PSD3: variants seen among roughly 807,000 people sequenced by gnomAD.
The protein encoded by PSD3 is pleckstrin and Sec7 domain containing 3, also known as PH and SEC7 domain-containing protein 3.
In PSD3, 49 loss-of-function variants were observed where a neutral mutation model predicts 105.5. The ratio of observed to expected loss-of-function variants is 0.46; its 90% confidence interval spans 0.37 to 0.59. The LOEUF is 0.59. Among genes scored for constraint, PSD3 ranks in the 20% least tolerant of loss-of-function variants. The pLI, the probability that PSD3 is intolerant of heterozygous loss-of-function variation, is 0.00. For missense variants in PSD3, 1,561 were observed against 1,263.8 expected (o/e 1.24, Z -3.57); for synonymous variants, 557 against 457.8 (o/e 1.22, Z -2.77).
intron 1 of PSD3, among the ~76,000 whole-genome samples, chr8:19,021,557 AC>A (rs1167355623): frequency 2.9e-4 from 40 of 139,554 alleles, no homozygotes; most frequent in African/African-American, 1.1e-3. Context: ...CTTTTTTGTT[AC>A]AAAAAAAAAA....
At chr8:18,875,541 C>CTT (rs972080881) in intron 2 of PSD3, among the ~76,000 whole-genome samples, 2 of 145,378 alleles carry the variant, frequency 1.4e-5, no homozygotes, top group South Asian at 2.2e-4. Flanking sequence ...AATTCTAGAA[C>CTT]TTTTTTTTTT....
chr8:19,039,895 A>G (rs568086006), intron 1 of PSD3, among the ~76,000 whole-genome samples: 2 of 152,364 alleles, frequency 1.3e-5, no homozygotes, highest in East Asian at 3.9e-4. Flanking sequence ...ATCTGCACAA[A>G]TAAACGTATT....
chr8:19,078,391 A>G (rs1044505164), intron 1 of PSD3, among the ~76,000 whole-genome samples: 4 of 152,226 alleles, frequency 2.6e-5, no homozygotes, highest in African/African-American at 9.6e-5. Context: ...TATAGATTCT[A>G]TATTAATTAT....
intron 8 of PSD3, among the ~76,000 whole-genome samples, chr8:18,787,979 A>G (rs546103817): frequency 6.6e-6 from 1 of 152,328 alleles, no homozygotes; most frequent in East Asian, 1.9e-4. Context: ...CAAGTCATAT[A>G]TTCTGTTACA....
At chr8:18,796,354 GATTATTTGGCTTCC>G (rs1810176586) in intron 8 of PSD3, among the ~76,000 whole-genome samples, 1 of 152,076 alleles carries the variant, frequency 6.6e-6, no homozygotes, top group Non-Finnish European at 1.5e-5. Context: ...CATCAGAGAG[GATTATTTGGCTTCC>G]ATGAACATTG....
At chr8:18,543,867 A>G (rs1800289764) in intron 15 of PSD3, among the ~76,000 whole-genome samples, 1 of 152,160 alleles carries the variant, frequency 6.6e-6, no homozygotes, top group South Asian at 2.1e-4. Context: ...GTTTCTCTCT[A>G]GAGCCCTGCA....
chr8:18,666,584 A>G (rs892445823), intron 9 of PSD3, among the ~76,000 whole-genome samples: 4 of 152,228 alleles, frequency 2.6e-5, no homozygotes, highest in Admixed American at 6.5e-5. Context: ...TACAACTCAA[A>G]TATCTCGTAA....
At chr8:18,550,834 C>T (rs576587111) in intron 15 of PSD3, among the ~76,000 whole-genome samples, 5 of 152,266 alleles carry the variant, frequency 3.3e-5, no homozygotes, top group East Asian at 1.9e-4. Flanking sequence ...ATTCTATTAA[C>T]CTACACTATC....
chr8:19,049,048 C>T (rs1018001746), intron 1 of PSD3, among the ~76,000 whole-genome samples: 9 of 152,122 alleles, frequency 5.9e-5, no homozygotes, highest in African/African-American at 1.7e-4. Flanking sequence ...GATTAGGGTC[C>T]AATATGACCT....
At chr8:18,625,636 T>C (rs1806422126) in intron 11 of PSD3, among the ~76,000 whole-genome samples, 1 of 152,206 alleles carries the variant, frequency 6.6e-6, no homozygotes, top group African/African-American at 2.4e-5. Flanking sequence ...AAACATTTCA[T>C]AAGCATATTT....
At chr8:18,997,980 T>A (rs954842425) in intron 1 of PSD3, among the ~76,000 whole-genome samples, 1 of 152,004 alleles carries the variant, frequency 6.6e-6, no homozygotes, top group Non-Finnish European at 1.5e-5. Flanking sequence ...AGAACAAGGA[T>A]TTTTTTCTTT....
At chr8:18,846,480 G>A (rs75751995) in intron 4 of PSD3, among the ~76,000 whole-genome samples, 5,795 of 152,196 alleles carry the variant, frequency 0.038, 236 homozygotes, top group African/African-American at 0.1. Context: ...ACAGGGGTTC[G>A]AAGGTTCTAC....
intron 2 of PSD3, among the ~76,000 whole-genome samples, chr8:18,882,582 T>C (rs1448985834): frequency 6.6e-6 from 1 of 152,160 alleles, no homozygotes; most frequent in East Asian, 1.9e-4. Context: ...CTCAGCCTAT[T>C]CTAGAATTCA....
chr8:18,650,293 T>G (rs562920045), intron 10 of PSD3, among the ~76,000 whole-genome samples: 1 of 151,836 alleles, frequency 6.6e-6, no homozygotes, highest in Non-Finnish European at 1.5e-5. Context: ...GCCATCCCAA[T>G]CACAAAGAGT....
chr8:18,695,201 T>C (rs1252362203), intron 9 of PSD3, among the ~76,000 whole-genome samples: 1 of 152,178 alleles, frequency 6.6e-6, no homozygotes, highest in African/African-American at 2.4e-5. Flanking sequence ...GTTACAGTAA[T>C]ATTGAGATCA....
intron 11 of PSD3, among the ~76,000 whole-genome samples, chr8:18,614,123 T>A (rs964028027): frequency 6.6e-6 from 1 of 152,222 alleles, no homozygotes; most frequent in Non-Finnish European, 1.5e-5. Flanking sequence ...ACATGCCTCA[T>A]CCTGGGGTTT....
intron 1 of PSD3, among the ~76,000 whole-genome samples, chr8:18,941,281 G>C (rs77657543): frequency 0.017 from 2,641 of 152,212 alleles, 90 homozygotes; most frequent in African/African-American, 0.061. Flanking sequence ...ATAGTACCAC[G>C]CAGTCTCACA....
At chr8:18,719,608 G>C (rs867690121) in intron 9 of PSD3, among the ~76,000 whole-genome samples, 39 of 152,232 alleles carry the variant, frequency 2.6e-4, no homozygotes, top group African/African-American at 9.4e-4. Context: ...TGAGCCCCTT[G>C]TTCAACATCC....
chr8:19,002,435 G>A (rs1826452825), intron 1 of PSD3, among the ~76,000 whole-genome samples: 3 of 151,858 alleles, frequency 2.0e-5, no homozygotes, highest in African/African-American at 7.3e-5. Context: ...ACTTTTTAAG[G>A]AACAAGCATA....
Sources: allele counts gnomAD v4.1 joint callset (sites outside exome capture counted in the v4.1 genomes callset), GRCh38; gene constraint gnomAD v4.1.1; transcripts MANE v1.5; gene names NCBI Gene and HGNC (gene_info 2026-07-23, HGNC 2026-07-21).